The following CAD variants were observed in gnomAD, a reference collection of about 807,000 sequenced individuals.
CAD encodes multifunctional protein CAD.
Under a neutral mutation model 237.2 loss-of-function variants are expected in CAD, and 81 were observed. That is an observed-to-expected ratio of 0.34 (90% confidence interval 0.29 to 0.41). The LOEUF (loss-of-function observed/expected upper bound fraction) is 0.41, where lower values mean the gene tolerates loss of function less well. Among genes scored for constraint, CAD ranks in the 10% least tolerant of loss-of-function variants. The probability of loss-of-function intolerance (pLI) is 1.00; values close to 1 mark genes in which losing one functional copy is unlikely to be tolerated. For missense variants in CAD, 2,181 were observed against 2,951.7 expected, an observed-to-expected ratio of 0.74 and a Z score of 6.05; for synonymous variants, 1,196 against 1,162.8, an observed-to-expected ratio of 1.03 and a Z score of -0.58.
Position 27,225,842 on chromosome 2 carries a change from C to T in CAD, c.1758C>T (p.Ser586=), listed in dbSNP as rs144091554. ...TGGCCCCAGCTTTTGCCCATACCAGCCAAGTGCTAGTAGACAAGTCTCTGA... is the reference window on the plus strand; with the variant it reads ...TGGCCCCAGCTTTTGCCCATACCAGTCAAGTGCTAGTAGACAAGTCTCTGA... ...ALVAPAFAHT[S]QVLVDKSLKG... Residue 586 remains serine (S), a synonymous_variant, in exon 12 of 44, where the codon AGC becomes AGT. Coordinates refer to ENST00000264705, the MANE Select transcript of CAD (RefSeq NM_004341.5). 1.2e-6 allele frequency: 2 copies of T among 1,614,066 alleles called. No homozygotes were observed. The highest frequency in any genetic ancestry group is 1.3e-5 in the African/African-American group (1 of 74,914).
In CAD at chr2:27,243,328, C is replaced by A. The variant is rs112312126; in HGVS notation, c.6575+36C>A. The A allele has an allele frequency of 2.5e-6, 4 of 1,608,916 alleles. No homozygotes were observed. The Admixed American group carries it at 6.7e-5, about 27-fold the overall frequency. ...ATCAGAGTCAGAGACTGCCTCGGGG[C>A]TGGTGGACGGGAGGAGACTTAGTCC... On this transcript the variant is annotated intron_variant, in intron 43 of 43. Coordinates refer to ENST00000264705, the MANE Select transcript of CAD (RefSeq NM_004341.5).
chr2:27,231,336 A>T, intron 15 of CAD, 132 bp from the exon 16 acceptor site: 1 of 636,108 alleles, frequency 1.6e-6, no homozygotes, highest in Non-Finnish European at 2.8e-6. Flanking sequence ...AAACACCATG[A>T]ATCCCACCAT....
At chr2:27,225,298 A>ATTTTT in intron 11 of CAD, 55 bp downstream of exon 11, 3 of 565,170 alleles carry the variant, frequency 5.3e-6, no homozygotes, top group Non-Finnish European at 2.6e-6. Context: ...TGGTAGTGTT[A>ATTTTT]TTTTCTTTTT....
In CAD at chr2:27,241,051, A is replaced by G; in HGVS notation, c.5639-7A>G. The G allele has an allele frequency of 6.2e-7, 1 of 1,610,468 alleles. No homozygotes were observed. Among genetic ancestry groups the G allele is most frequent in the Non-Finnish European group, 8.5e-7 (1 of 1,178,056 alleles). ...ACCAGCCTTTTCTGCCCCATCCCTC[A>G]CTGCAGAGCTGATGGGAACCCCTGA... On this transcript the variant is annotated splice_polypyrimidine_tract_variant and splice_region_variant and intron_variant, in intron 36 of 43. Coordinates refer to ENST00000264705, the MANE Select transcript of CAD (RefSeq NM_004341.5). This position sits in a 1 kb window ranked among gnomAD's most constrained non-coding sequence, Gnocchi z 4.6.
chr2:27,237,923 C>A lies in CAD; in HGVS notation c.4728+41C>A, dbSNP rs866775669. The A allele has an allele frequency of 6.3e-7, 1 of 1,580,724 alleles. No homozygotes were observed. The highest frequency in any genetic ancestry group is 1.2e-5 in the South Asian group (1 of 86,156). Reference sequence around the variant, plus strand: ...GTGGCAGGAGGCCACCACCCAGTGTCTCCTGGCTTGTGGGCCCCTGCCTAA... The same window carrying A: ...GTGGCAGGAGGCCACCACCCAGTGTATCCTGGCTTGTGGGCCCCTGCCTAA... On this transcript the variant is annotated intron_variant, in intron 29 of 43. Coordinates refer to ENST00000264705, the MANE Select transcript of CAD (RefSeq NM_004341.5). This position sits in a 1 kb window ranked among gnomAD's most constrained non-coding sequence, Gnocchi z 4.0.
Position 27,233,043 on chromosome 2 carries a change from T to C in CAD, c.2894T>C (p.Met965Thr). Residue 965 changes from methionine (M) to threonine (T), a missense_variant and splice_region_variant, in exon 19 of 44, where the codon ATG (methionine) becomes ACG (threonine). Physicochemically the swap from Met to Thr is moderately conservative, Grantham distance 81 (BLOSUM62 -1). Coordinates refer to ENST00000264705, the MANE Select transcript of CAD (RefSeq NM_004341.5). The surrounding 1 kb of genome is among the most constrained non-coding windows in gnomAD (Gnocchi z 6.3). ...AVGCIQQLRK[M>T]GYKTIMVNYN... Reference sequence around the variant, plus strand: ...GTACCCTTCCCCTCCCTCTTGCAGATGGGATATAAGACCATCATGGTGAAC... The same window carrying C: ...GTACCCTTCCCCTCCCTCTTGCAGACGGGATATAAGACCATCATGGTGAAC... The C allele has an allele frequency of 6.3e-7, 1 of 1,589,442 alleles. No individual in the cohort carries two copies. The highest frequency in any genetic ancestry group is 1.1e-5 in the South Asian group (1 of 90,542).
chr2:27,231,794 A>G (rs1675771483), intron 16 of CAD, among the ~76,000 whole-genome samples, 186 bp from the exon 17 acceptor site: 1 of 152,252 alleles, frequency 6.6e-6, no homozygotes, highest in Non-Finnish European at 1.5e-5. Flanking sequence ...GACATAGGTT[A>G]TAGAAATTAC....
Position 27,243,240 on chromosome 2 carries a change from G to A in CAD, c.6523G>A (p.Ala2175Thr). 2 of 1,614,018 alleles carry A rather than the reference G, an allele frequency of 1.2e-6. No homozygotes were observed. Among genetic ancestry groups the A allele is most frequent in the Non-Finnish European group, 8.5e-7 (1 of 1,180,002 alleles). The change falls in exon 43 of 44, where the codon GCC becomes ACC. Residue 2175 changes from alanine to threonine, a missense_variant. Ala to Thr is a moderately conservative substitution (Grantham distance 58). Transcript: ENST00000264705. The part of the protein sequence containing the change: ...FILTPHIMTR[A>T]KKKMVVMHPM... ...CCTCACTCCCCACATCATGACCCGG[G>A]CCAAGAAGAAGATGGTGGTGATGCA...
At position 27,240,885 on chromosome 2, in the gene CAD, T is replaced by A; in HGVS notation, c.5594-26T>A. The A allele has an allele frequency of 6.2e-7, 1 of 1,613,448 alleles. No homozygotes were observed. The highest frequency in any genetic ancestry group is 8.5e-7 in the Non-Finnish European group (1 of 1,179,392). On this transcript the variant is annotated intron_variant, in intron 35 of 43. Coordinates refer to ENST00000264705, the MANE Select transcript of CAD (RefSeq NM_004341.5). The surrounding 1 kb of genome is among the most constrained non-coding windows in gnomAD (Gnocchi z 4.6). The stretch of plus-strand genomic sequence containing the variant: ...TTTCCAAACCTCAGCCATAAATGTA[T>A]ATCTGTCCTCTTGTCCTGTTTGCAG...
intron 2 of CAD, among the ~76,000 whole-genome samples, chr2:27,219,756 A>G (rs946129788): frequency 4.0e-5 from 6 of 151,700 alleles, no homozygotes; most frequent in Non-Finnish European, 7.4e-5. Flanking sequence ...TTCCCAGCTA[A>G]TTTTGTATTT....
In CAD at chr2:27,222,997, C is replaced by G; in HGVS notation, c.769C>G (p.Leu257Val). Residue 257 changes from leucine to valine, a missense_variant, in exon 6 of 44, where the codon CTA (leucine) becomes GTA (valine). Physicochemically the swap from Leu to Val is conservative, Grantham distance 32. Coordinates refer to ENST00000264705, the MANE Select transcript of CAD (RefSeq NM_004341.5). ...CTTTGGGATCTGCCTGGGACACCAGCTATTGGCCTTAGCCATTGGGGCCAA... is the reference window on the plus strand; with the variant it reads ...CTTTGGGATCTGCCTGGGACACCAGGTATTGGCCTTAGCCATTGGGGCCAA... ...PVFGICLGHQ[L>V]LALAIGAKTY... is the part of the protein sequence containing the mutation. 6.2e-7 allele frequency: 1 copy of G among 1,614,106 alleles called. No individual in the cohort carries two copies. Among genetic ancestry groups the G allele is most frequent in the Non-Finnish European group, 8.5e-7 (1 of 1,180,028 alleles).
At position 27,238,992 on chromosome 2, in the gene CAD, C is replaced by T. The variant is rs377497086; in HGVS notation, c.5063-50C>T. 1.3e-5 allele frequency: 20 copies of T among 1,498,152 alleles called. No homozygotes were observed. In the African/African-American group the frequency reaches 2.5e-4, roughly 19 times the overall value. 92.8% of individuals were successfully genotyped at this position (1,498,152 alleles called of 1,614,324 possible). On this transcript the variant is annotated intron_variant, in intron 31 of 43. Transcript: ENST00000264705. ...GCAGTCCTGGGGTGTGAGTGACTTC[C>T]TAGACATGGAGGTGATTGGTCCTGA... is the stretch of plus-strand genomic sequence containing the variant.
chr2:27,233,796 C>A lies in CAD; in HGVS notation c.3387C>A (p.Ile1129=), dbSNP rs777037497. 1 of 1,613,874 alleles carries A rather than the reference C, an allele frequency of 6.2e-7. No homozygotes were observed. Among genetic ancestry groups the A allele is most frequent in the South Asian group, 1.1e-5 (1 of 91,082 alleles). Residue 1129 remains isoleucine, a synonymous_variant, in exon 21 of 44, where the codon ATC becomes ATA. Coordinates refer to ENST00000264705, the MANE Select transcript of CAD (RefSeq NM_004341.5). The surrounding 1 kb of genome is among the most constrained non-coding windows in gnomAD (Gnocchi z 6.3). ...ATCCCGTGGTCATCTCCAAGTTCAT[C>A]CAGGAGGCTAAGGTGGGAGGCTGCA... The part of the protein sequence containing the change: ...KEHPVVISKF[I]QEAKEIDVDA...
chr2:27,233,263 T>C lies in CAD; in HGVS notation c.2992-49T>C, dbSNP rs762885835. On this transcript the variant is annotated intron_variant, in intron 19 of 43. Coordinates refer to ENST00000264705, the MANE Select transcript of CAD (RefSeq NM_004341.5). The surrounding 1 kb of genome is among the most constrained non-coding windows in gnomAD (Gnocchi z 6.3). ...GAAGCAGTGAGCAGGAAGGCTCAGA[T>C]TCCTGCCCTCTTTTGCTGCCACCAC... The C allele has an allele frequency of 1.1e-5, 17 of 1,565,740 alleles. No individual in the cohort carries two copies. The highest frequency in any genetic ancestry group is 1.5e-5 in the Non-Finnish European group (17 of 1,136,730).
In CAD at chr2:27,218,402, C is replaced by T. The variant is rs1363163559; in HGVS notation, c.222+386C>T. 2.0e-5 allele frequency among the ~76,000 whole-genome samples: 3 copies of T among 152,100 alleles called. No individual in the cohort carries two copies. In the East Asian group the frequency reaches 5.8e-4, roughly 29 times the overall value. On this transcript the variant is annotated intron_variant, in intron 2 of 43. Transcript: ENST00000264705. ...CTGCAGATAAGTTAAATCCGGTGGGCATGGAGGGACCTGAAGCCAAAGCAG... is the reference window on the plus strand; with the variant it reads ...CTGCAGATAAGTTAAATCCGGTGGGTATGGAGGGACCTGAAGCCAAAGCAG...
At position 27,235,812 on chromosome 2, in the gene CAD, C is replaced by T; in HGVS notation, c.4074+172C>T. 8.5e-6 allele frequency: 5 copies of T among 591,220 alleles called. No individual in the cohort carries two copies. The highest frequency in any genetic ancestry group is 8.0e-5 in the South Asian group (4 of 49,794). The allele number at this position is 591,220 out of a possible 1,614,324, so 36.6% of individuals were successfully genotyped here. On this transcript the variant is annotated intron_variant, in intron 25 of 43. Coordinates refer to ENST00000264705, the MANE Select transcript of CAD (RefSeq NM_004341.5). This position sits in a 1 kb window ranked among gnomAD's most constrained non-coding sequence, Gnocchi z 5.2. ...CCCAGGAGGTAGAGGCTGCAGTGAG[C>T]TGCGAGTGTGCAGTGAGTGCACCAC...
At chr2:27,223,449 AAAAGG>A in intron 6 of CAD, 109 bp from the exon 7 acceptor site, 5 of 1,006,900 alleles carry the variant, frequency 5.0e-6, no homozygotes, top group Non-Finnish European at 7.3e-6. Context: ...AAAAAAAACA[AAAAGG>A]AAACAGGAGT....
chr2:27,232,985 T>C lies in CAD; in HGVS notation c.2893-57T>C. 1 of 1,185,984 alleles carries C rather than the reference T, an allele frequency of 8.4e-7. No homozygotes were observed. Among genetic ancestry groups the C allele is most frequent in the Admixed American group, 1.7e-5 (1 of 59,262 alleles). The allele number at this position is 1,185,984 out of a possible 1,614,324, so 73.5% of individuals were successfully genotyped here. On this transcript the variant is annotated intron_variant, in intron 18 of 43. Transcript: ENST00000264705. This position sits in a 1 kb window ranked among gnomAD's most constrained non-coding sequence, Gnocchi z 4.1. ...GCTTTGGCTTAGTTTCTCCACGATT[T>C]TCTCCACGATTTTCCTCCCACCTGA...
intron 15 of CAD, among the ~76,000 whole-genome samples, chr2:27,229,759 C>A (rs571614485): frequency 4.0e-5 from 6 of 151,286 alleles, no homozygotes; most frequent in African/African-American, 1.5e-4. Flanking sequence ...ACCTGTAGTC[C>A]CAGCTACTCA....
Sources: gnomAD v4.1 joint callset for allele counts (sites outside exome capture counted in the v4.1 genomes callset) on GRCh38, gnomAD v4.1.1 for gene constraint, Gnocchi (gnomAD v3.1) non-coding constraint, MANE v1.5 for transcripts, NCBI Gene and HGNC (gene_info 2026-07-23, HGNC 2026-07-21) for gene names.